S1PR3: variants seen among roughly 807,000 people sequenced by gnomAD.
S1PR3 encodes the protein sphingosine 1-phosphate receptor 3.
Under a neutral mutation model 13.3 loss-of-function variants are expected in S1PR3, and 12 were observed. The observed-to-expected ratio is 0.90, with a 90% CI of 0.58 to 1.46. The LOEUF is 1.46. Ranked by LOEUF, S1PR3 falls within the 40% of genes most tolerant of loss-of-function variation. The pLI is 0.00. For missense variants in S1PR3, 450 were observed against 501.9 expected (o/e 0.90, Z 0.99); for synonymous variants, 232 against 214.0 (o/e 1.08, Z -0.73).
Position 89,001,288 on chromosome 9 carries a change from G to C in S1PR3, c.88G>C (p.Gly30Arg). 6.2e-7 allele frequency: 1 copy of C among 1,614,136 alleles called. No individual in the cohort carries two copies. Residue 30 changes from glycine (G) to arginine (R), a missense_variant, in exon 2 of 2, where the codon GGC (glycine) becomes CGC (arginine). Transcript: ENST00000358157. ...EHYQYVGKLAGRLKEASEGST... is the reference protein window; with the variant it reads ...EHYQYVGKLARRLKEASEGST... ...TTACCAGTACGTGGGGAAGTTGGCGGGCAGGCTGAAGGAGGCCTCCGAGGG... is the reference window on the plus strand; with the variant it reads ...TTACCAGTACGTGGGGAAGTTGGCGCGCAGGCTGAAGGAGGCCTCCGAGGG...
Position 89,001,964 on chromosome 9 carries a change from G to T in S1PR3, c.764G>T (p.Cys255Phe). ...VVIVVSVFIA[C>F]WSPLFILFLI... ...ATTGTGGTGAGCGTGTTCATCGCCT[G>T]CTGGTCCCCACTCTTCATCCTCTTC... The change falls in exon 2 of 2, where the codon TGC (cysteine) becomes TTC (phenylalanine). Residue 255 changes from cysteine to phenylalanine, a missense_variant. Physicochemically the swap from Cys to Phe is radical, Grantham distance 205. Coordinates refer to ENST00000358157, the MANE Select transcript of S1PR3 (RefSeq NM_005226.4). The T allele has an allele frequency of 1.2e-6, 2 of 1,614,150 alleles. No individual in the cohort carries two copies. Among genetic ancestry groups the T allele is most frequent in the Non-Finnish European group, 1.7e-6 (2 of 1,180,020 alleles).
chr9:88,993,614 G>A (rs568341949), intron 1 of S1PR3: 99 of 152,148 alleles, frequency 6.5e-4, no homozygotes, highest in African/African-American at 2.3e-3. Flanking sequence ...CAAATTAATT[G>A]CCTTAAGATT....
intron 1 of S1PR3, chr9:88,994,006 A>G (rs1564058781): frequency 6.0e-6 from 1 of 166,942 alleles, no homozygotes; most frequent in Non-Finnish European, 1.5e-5. Context: ...AATTTTCCAG[A>G]TATTTCAGTG....
Position 88,991,501 on chromosome 9 carries a change from A to G in S1PR3, c.-342A>G. The G allele has an allele frequency of 6.5e-7, 1 of 1,548,094 alleles. No individual in the cohort carries two copies. The highest frequency in any genetic ancestry group is 8.7e-7 in the Non-Finnish European group (1 of 1,146,016). On this transcript the variant is annotated 5_prime_UTR_variant, in exon 1 of 2. Transcript: ENST00000358157. The surrounding 1 kb of genome is among the most constrained non-coding windows in gnomAD (Gnocchi z 4.0). ...AGGAAGCCGGTTCCGGGGACGGGCA[A>G]CAGGGACTCAGGGACCAGAAGGCGG...
intron 1 of S1PR3, chr9:89,000,599 C>A (rs1825854422): frequency 6.4e-6 from 1 of 156,010 alleles, no homozygotes; most frequent in African/African-American, 2.4e-5. Context: ...CACGATGTCA[C>A]TGTAAAACTC....
Position 89,001,090 on chromosome 9 carries a change from G to A in S1PR3, c.-111G>A. ...CAACGCCCTCGCTGGAGTCTGGCCT[G>A]CACGCCTTGCTGAATGAAGCCGGAA... On this transcript the variant is annotated 5_prime_UTR_variant, in exon 2 of 2. Transcript: ENST00000358157. 7.8e-7 allele frequency: 1 copy of A among 1,273,918 alleles called. No homozygotes were observed. Among genetic ancestry groups the A allele is most frequent in the Non-Finnish European group, 1.1e-6 (1 of 910,266 alleles). 78.9% of individuals were successfully genotyped at this position (1,273,918 alleles called of 1,614,324 possible).
chr9:88,992,585 A>G (rs906056308), intron 1 of S1PR3: 1 of 152,412 alleles, frequency 6.6e-6, no homozygotes, highest in Non-Finnish European at 1.5e-5. Context: ...GACTTTGTAT[A>G]TAACCACATA....
chr9:89,002,957 C>T lies in S1PR3; in HGVS notation c.*620C>T, dbSNP rs41287351. On this transcript the variant is annotated 3_prime_UTR_variant, in exon 2 of 2. Transcript: ENST00000358157. ...ACCAAGTTTTAAAAGTTCAAATTCC[C>T]CAAAAAGGCTTGTCCAAGGCTGGCC... is the stretch of plus-strand genomic sequence containing the variant. The T allele has an allele frequency of 0.018, 3,128 of 169,316 alleles. 36 individuals are homozygous for T. The highest frequency in any genetic ancestry group is 0.064 in the Middle Eastern group (19 of 296). 10.5% of individuals were successfully genotyped at this position (169,316 alleles called of 1,614,324 possible).
chr9:88,993,025 T>G (rs1338502610), intron 1 of S1PR3: 3 of 152,584 alleles, frequency 2.0e-5, no homozygotes, highest in Admixed American at 1.3e-4. Context: ...CCCCCTAAGA[T>G]TTAGAGAGAA....
At position 89,002,139 on chromosome 9, in the gene S1PR3, C is replaced by G. The variant is rs757514808; in HGVS notation, c.939C>G (p.Val313=). 6 of 1,613,748 alleles carry G rather than the reference C, an allele frequency of 3.7e-6. No individual in the cohort carries two copies. The highest frequency in any genetic ancestry group is 2.2e-5 in the East Asian group (1 of 44,852). ...KEMRRAFFRL[V]CNCLVRGRGA... is the part of the protein sequence containing the mutation. ...TGCGGCGGGCCTTCTTCCGTCTGGT[C>G]TGCAACTGCCTGGTCAGGGGACGGG... Residue 313 remains valine (V), a synonymous_variant, in exon 2 of 2, where the codon GTC becomes GTG. Transcript: ENST00000358157.
Position 89,001,038 on chromosome 9 carries a change from T to G in S1PR3, c.-147-16T>G. On this transcript the variant is annotated splice_polypyrimidine_tract_variant and intron_variant, in intron 1 of 1. Transcript: ENST00000358157. ...CGTTTTATCAATGGTCGCTCCCTCT[T>G]TTTATCTGTTGGCAGGAGCCCTTTT... 1 of 743,696 alleles carries G rather than the reference T, an allele frequency of 1.3e-6. No individual in the cohort carries two copies. Among genetic ancestry groups the G allele is most frequent in the Non-Finnish European group, 2.2e-6 (1 of 459,586 alleles). 46.1% of individuals were successfully genotyped at this position (743,696 alleles called of 1,614,324 possible). A position where few individuals can be genotyped will look rare whatever the true frequency, so the allele number is the denominator to read the frequency against.
rs368109131 is a variant in S1PR3, at chr9:88,991,938, G to A, written c.-148+243G>A. 2.5e-6 allele frequency: 4 copies of A among 1,614,264 alleles called. No homozygotes were observed. In the African/African-American group the frequency reaches 5.3e-5, roughly 22 times the overall value. ...GGAGCTGAATACCTGGATGAAAGTG[G>A]AGAGGCTGTTCGTGGAGAAGTTCCA... is the stretch of plus-strand genomic sequence containing the variant. On this transcript the variant is annotated intron_variant, in intron 1 of 1. Coordinates refer to ENST00000358157, the MANE Select transcript of S1PR3 (RefSeq NM_005226.4). This position sits in a 1 kb window ranked among gnomAD's most constrained non-coding sequence, Gnocchi z 4.0.
At chr9:88,992,086 G>A in intron 1 of S1PR3, 4 of 1,535,290 alleles carry the variant, frequency 2.6e-6, no homozygotes, top group Admixed American at 3.9e-5. Context: ...AACAATATTC[G>A]CCGGAAAATT....
In S1PR3 at chr9:89,001,983, C is replaced by T; in HGVS notation, c.783C>T (p.Ile261=). The T allele has an allele frequency of 6.2e-7, 1 of 1,614,158 alleles. No individual in the cohort carries two copies. Among genetic ancestry groups the T allele is most frequent in the Non-Finnish European group, 8.5e-7 (1 of 1,180,028 alleles). ...VFIACWSPLF[I]LFLIDVACRV... is the part of the protein sequence containing the mutation. ...TCGCCTGCTGGTCCCCACTCTTCAT[C>T]CTCTTCCTCATTGATGTGGCCTGCA... Residue 261 remains isoleucine (I), a synonymous_variant, in exon 2 of 2, where the codon ATC becomes ATT. Coordinates refer to ENST00000358157, the MANE Select transcript of S1PR3 (RefSeq NM_005226.4).
rs542433062 is a variant in S1PR3 at position 89,001,910 on chromosome 9, G to A, written c.710G>A (p.Arg237Gln). 1.4e-5 allele frequency: 22 copies of A among 1,614,194 alleles called. No individual in the cohort carries two copies. The highest frequency in any genetic ancestry group is 1.3e-4 in the South Asian group (12 of 91,086). ...RKVANHNNSE[R>Q]SMALLRTVVI... ...GTGGCCAACCACAACAACTCGGAGC[G>A]GTCCATGGCACTGCTGCGGACCGTG... Residue 237 changes from arginine (R) to glutamine (Q), a missense_variant, in exon 2 of 2, where the codon CGG becomes CAG. Arg to Gln is a conservative substitution (Grantham distance 43). Transcript: ENST00000358157.
intron 1 of S1PR3, chr9:88,995,899 T>C (rs1204452028): frequency 1.8e-5 from 3 of 167,072 alleles, no homozygotes; most frequent in African/African-American, 7.2e-5. Context: ...GCATCTGTAT[T>C]GGTTAGAAGA....
At chr9:88,998,932 A>G (rs1377974367) in intron 1 of S1PR3, 1 of 152,560 alleles carries the variant, frequency 6.6e-6, no homozygotes, top group Non-Finnish European at 1.5e-5. Context: ...TAGGGCTGGC[A>G]TGGGTGAGCC....
At position 89,002,508 on chromosome 9, in the gene S1PR3, A is replaced by G; in HGVS notation, c.*171A>G. The G allele has an allele frequency of 1.3e-6, 1 of 762,584 alleles. No individual in the cohort carries two copies. The highest frequency in any genetic ancestry group is 2.7e-5 in the East Asian group (1 of 36,924). The allele number at this position is 762,584 out of a possible 1,614,324, so 47.2% of individuals were successfully genotyped here. Reference sequence around the variant, plus strand: ...GCCCAAGGAATCACCACCCCGCTTCAGTGTAAACAACGTGCCTTGTCCACT... The same window carrying G: ...GCCCAAGGAATCACCACCCCGCTTCGGTGTAAACAACGTGCCTTGTCCACT... On this transcript the variant is annotated 3_prime_UTR_variant, in exon 2 of 2. Transcript: ENST00000358157.
Position 89,002,801 on chromosome 9 carries a change from A to C in S1PR3, c.*464A>C. 1 of 205,020 alleles carries C rather than the reference A, an allele frequency of 4.9e-6. No individual in the cohort carries two copies. Among genetic ancestry groups the C allele is most frequent in the Non-Finnish European group, 1.1e-5 (1 of 89,926 alleles). The allele number at this position is 205,020 out of a possible 1,614,324, so 12.7% of individuals were successfully genotyped here. ...GTTTGCCATGTGGTACCTACATAGA[A>C]TCTCCATACAACACACAGGTAACAG... On this transcript the variant is annotated 3_prime_UTR_variant, in exon 2 of 2. Coordinates refer to ENST00000358157, the MANE Select transcript of S1PR3 (RefSeq NM_005226.4).
Sources: gnomAD v4.1 joint callset for allele counts on GRCh38, gnomAD v4.1.1 for gene constraint, Gnocchi (gnomAD v3.1) non-coding constraint, MANE v1.5 for transcripts, NCBI Gene and HGNC (gene_info 2026-07-23, HGNC 2026-07-21) for gene names.